DTNB: variants seen among roughly 807,000 people sequenced by gnomAD.
DTNB encodes dystrobrevin beta, also known as DTN-B.
Under a neutral mutation model 90.7 loss-of-function variants are expected in DTNB, and 63 were observed. The observed-to-expected ratio is 0.69, with a 90% CI of 0.57 to 0.86. The LOEUF is 0.86. DTNB is among the 40% of genes least tolerant of loss of function. The probability of loss-of-function intolerance (pLI) is 0.00; values close to 1 mark genes in which losing one functional copy is unlikely to be tolerated. For synonymous variants in DTNB, 277 were observed against 286.7 expected (o/e 0.97, Z 0.34); for missense variants, 744 against 807.1 (o/e 0.92, Z 0.95).
At chr2:25,386,460 G>C (rs532282515) in intron 18 of DTNB, among the ~76,000 whole-genome samples, 4 of 152,298 alleles carry the variant, frequency 2.6e-5, no homozygotes, top group African/African-American at 9.6e-5. Flanking sequence ...ACAAAAGAGA[G>C]CCATCAGTGT....
chr2:25,642,211 GTGTA>G (rs1478420325), intron 2 of DTNB, among the ~76,000 whole-genome samples: 1 of 152,126 alleles, frequency 6.6e-6, no homozygotes. Flanking sequence ...GTGTGTATAT[GTGTA>G]TGTGTGTGTG....
chr2:25,523,735 T>C (rs910601855), intron 9 of DTNB, among the ~76,000 whole-genome samples: 1 of 152,170 alleles, frequency 6.6e-6, no homozygotes, highest in African/African-American at 2.4e-5. Context: ...GTTGAATTTT[T>C]AGTTTGCTTT....
intron 10 of DTNB, among the ~76,000 whole-genome samples, chr2:25,481,067 AGGTAG>A (rs1191382302): frequency 2.6e-4 from 39 of 152,266 alleles, no homozygotes; most frequent in African/African-American, 9.4e-4. Flanking sequence ...AAACCCCAAA[AGGTAG>A]ATATTATTTT....
At chr2:25,385,538 G>A (rs2039228812) in intron 18 of DTNB, among the ~76,000 whole-genome samples, 1 of 152,208 alleles carries the variant, frequency 6.6e-6, no homozygotes, top group African/African-American at 2.4e-5. Context: ...GGGACTCTGG[G>A]TTTGCTATCT....
chr2:25,573,703 A>C (rs1228872598), intron 8 of DTNB, among the ~76,000 whole-genome samples: 1 of 152,172 alleles, frequency 6.6e-6, no homozygotes, highest in Non-Finnish European at 1.5e-5. Context: ...CACATTTACC[A>C]AATTGGTTAC....
intron 6 of DTNB, among the ~76,000 whole-genome samples, chr2:25,595,340 A>G (rs1482642205): frequency 1.3e-5 from 2 of 152,210 alleles, no homozygotes; most frequent in Non-Finnish European, 2.9e-5. Flanking sequence ...TACTTTTAGA[A>G]TATGTCAATA....
At chr2:25,572,998 T>C (rs1559080305) in intron 8 of DTNB, among the ~76,000 whole-genome samples, 1 of 151,594 alleles carries the variant, frequency 6.6e-6, no homozygotes, top group East Asian at 1.9e-4. Context: ...TGGAGTGCAA[T>C]GGCACGATCT....
intron 8 of DTNB, among the ~76,000 whole-genome samples, chr2:25,573,777 C>A (rs1446289896): frequency 6.6e-6 from 1 of 152,140 alleles, no homozygotes; most frequent in Non-Finnish European, 1.5e-5. Context: ...AAGTGTGCCA[C>A]GTGACTGCTA....
At chr2:25,616,008 G>T (rs528269234) in intron 4 of DTNB, among the ~76,000 whole-genome samples, 2 of 152,158 alleles carry the variant, frequency 1.3e-5, no homozygotes, top group South Asian at 2.1e-4. Context: ...CTTTTATTTT[G>T]TTGGCAGTGA....
intron 8 of DTNB, among the ~76,000 whole-genome samples, chr2:25,541,503 T>C (rs1276488666): frequency 6.6e-6 from 1 of 151,766 alleles, no homozygotes; most frequent in Non-Finnish European, 1.5e-5. Context: ...AATACATAAA[T>C]AAAAATAAAT....
chr2:25,460,272 T>C (rs755198462), intron 10 of DTNB, among the ~76,000 whole-genome samples: 1 of 152,022 alleles, frequency 6.6e-6, no homozygotes, highest in Non-Finnish European at 1.5e-5. Flanking sequence ...TGGGGGATGA[T>C]AGAGAACTCA....
intron 8 of DTNB, among the ~76,000 whole-genome samples, chr2:25,537,251 C>A (rs183296003): frequency 2.6e-5 from 4 of 152,074 alleles, no homozygotes; most frequent in African/African-American, 9.6e-5. Context: ...AAAGAGAACA[C>A]CTTACTTTTA....
chr2:25,419,579 G>A (rs2048855735), intron 15 of DTNB, 44 bp from the exon 16 acceptor site: 2 of 1,550,116 alleles, frequency 1.3e-6, no homozygotes, highest in Non-Finnish European at 1.7e-6. Context: ...GAAAAAAGGA[G>A]AGAAATTAAT....
At chr2:25,439,520 A>T (rs112573268) in intron 12 of DTNB, among the ~76,000 whole-genome samples, 1 of 152,152 alleles carries the variant, frequency 6.6e-6, no homozygotes, top group African/African-American at 2.4e-5. Flanking sequence ...AATAGGGGAA[A>T]CTGGGTGTAG....
intron 16 of DTNB, among the ~76,000 whole-genome samples, chr2:25,400,130 A>G (rs141877661): frequency 8.1e-4 from 124 of 152,334 alleles, no homozygotes; most frequent in African/African-American, 2.7e-3. Context: ...CTCAGGAAAG[A>G]GTCTGAAATA....
chr2:25,412,895 T>C (rs573987659), intron 16 of DTNB, among the ~76,000 whole-genome samples: 3 of 152,368 alleles, frequency 2.0e-5, no homozygotes, highest in African/African-American at 7.2e-5. Context: ...AATGCACCAA[T>C]GGTCATAAAC....
At chr2:25,507,986 T>C (rs902580899) in intron 9 of DTNB, among the ~76,000 whole-genome samples, 13 of 152,206 alleles carry the variant, frequency 8.5e-5, no homozygotes, top group African/African-American at 3.1e-4. Flanking sequence ...CATCACCTCC[T>C]TCAAGCTGAT....
chr2:25,659,353 A>C (rs1341927389), intron 1 of DTNB, among the ~76,000 whole-genome samples: 5 of 152,238 alleles, frequency 3.3e-5, no homozygotes, highest in Non-Finnish European at 1.5e-5. Context: ...GCCATAAAAC[A>C]AACAGTAACA....
At chr2:25,427,377 G>A (rs971154119) in intron 15 of DTNB, 158 bp downstream of exon 15, 3 of 552,656 alleles carry the variant, frequency 5.4e-6, no homozygotes, top group Middle Eastern at 4.6e-4. Flanking sequence ...TAATTTAGAT[G>A]ACTTTTATAC....
Sources: gnomAD v4.1 joint callset for allele counts (sites outside exome capture counted in the v4.1 genomes callset) on GRCh38, gnomAD v4.1.1 for gene constraint, MANE v1.5 for transcripts, NCBI Gene and HGNC (gene_info 2026-07-23, HGNC 2026-07-21) for gene names.